Variants in LRMDA observed in about 807,000 individuals in gnomAD.
LRMDA encodes leucine-rich melanocyte differentiation-associated protein.
A neutral mutation model predicts 29.8 loss-of-function variants in LRMDA; 18 were observed. The ratio of observed to expected loss-of-function variants is 0.60; its 90% CI spans 0.42 to 0.90. The LOEUF is 0.90. LRMDA is among the 40% of genes least tolerant of loss of function. The probability of loss-of-function intolerance (pLI) is 0.00; values close to 1 mark genes in which losing one functional copy is unlikely to be tolerated. For missense variants in LRMDA, 273 were observed against 273.9 expected (o/e 1.00, Z 0.02); for synonymous variants, 125 against 109.4 (o/e 1.14, Z -0.89).
intron 5 of LRMDA, among the ~76,000 whole-genome samples, chr10:76,261,378 C>A (rs372431150): frequency 6.6e-6 from 1 of 151,908 alleles, no homozygotes; most frequent in Non-Finnish European, 1.5e-5. Flanking sequence ...GGCTGGCTTG[C>A]GTTTCAATCT....
At position 76,422,543 on chromosome 10, in the gene LRMDA, C is replaced by A. The variant is rs1842081605; in HGVS notation, c.601+98058C>A. 2.6e-5 allele frequency among the ~76,000 whole-genome samples: 4 copies of A among 152,156 alleles called. No individual in the cohort carries two copies. In the South Asian group the frequency reaches 8.3e-4, roughly 31 times the overall value. On this transcript the variant is annotated intron_variant, in intron 6 of 6. Coordinates refer to ENST00000611255, the MANE Select transcript of LRMDA (RefSeq NM_001305581.2). ...CCATGCTCTCCTCAGTCTGTCTAAT[C>A]ATAAGACATAAAAAGCTAAGCCTCT...
In LRMDA at chr10:75,600,113, G is replaced by T. The variant is rs559456784; in HGVS notation, c.131+161619G>T. Among the ~76,000 whole-genome samples, 52 of 152,334 alleles carry T rather than the reference G, an allele frequency of 3.4e-4. 1 individual carries two copies. The highest frequency in any genetic ancestry group is 5.4e-4 in the Non-Finnish European group (37 of 68,028). On this transcript the variant is annotated intron_variant, in intron 2 of 6. Coordinates refer to ENST00000611255, the MANE Select transcript of LRMDA (RefSeq NM_001305581.2). ...AGTAAGTCAGGCACTAGGTCTGCCA[G>T]TGTCTTTTCTTAAGATGCTGTCTCC...
chr10:75,818,768 C>T (rs537169299), intron 2 of LRMDA, among the ~76,000 whole-genome samples: 1 of 152,336 alleles, frequency 6.6e-6, no homozygotes, highest in East Asian at 1.9e-4. Flanking sequence ...CCTCCCCACC[C>T]CTGGGAGGGA....
chr10:76,475,731 C>G (rs960948181), intron 6 of LRMDA, among the ~76,000 whole-genome samples: 1 of 152,074 alleles, frequency 6.6e-6, no homozygotes, highest in Admixed American at 6.6e-5. Context: ...AACTAGAACT[C>G]AGGATTAAGA....
chr10:76,385,750 A>G (rs1040176893), intron 6 of LRMDA, among the ~76,000 whole-genome samples: 2 of 152,186 alleles, frequency 1.3e-5, no homozygotes, highest in African/African-American at 4.8e-5. Flanking sequence ...TTGACTCTCT[A>G]TAGCACTCAG....
intron 5 of LRMDA, among the ~76,000 whole-genome samples, chr10:76,099,372 G>A (rs1281224967): frequency 1.3e-5 from 2 of 148,876 alleles, no homozygotes; most frequent in Non-Finnish European, 3.0e-5. Flanking sequence ...TTTTGCAATG[G>A]CAGTTTCATT....
At chr10:75,536,407 G>C (rs1479642945) in intron 2 of LRMDA, among the ~76,000 whole-genome samples, 1 of 152,086 alleles carries the variant, frequency 6.6e-6, no homozygotes, top group South Asian at 2.1e-4. Flanking sequence ...TCTACCTCTT[G>C]AAAATCCTAA....
At chr10:75,872,961 A>G (rs1413557277) in intron 2 of LRMDA, among the ~76,000 whole-genome samples, 1 of 152,186 alleles carries the variant, frequency 6.6e-6, no homozygotes, top group Non-Finnish European at 1.5e-5. Context: ...ACCTTGCTCA[A>G]TGCCCTGCAA....
intron 2 of LRMDA, among the ~76,000 whole-genome samples, chr10:75,485,728 C>G (rs1169630027): frequency 6.6e-6 from 1 of 152,148 alleles, no homozygotes; most frequent in Non-Finnish European, 1.5e-5. Flanking sequence ...CAGGCATGTG[C>G]CACCATGCCT....
chr10:75,443,287 G>C (rs1844351551), intron 2 of LRMDA, among the ~76,000 whole-genome samples: 1 of 152,094 alleles, frequency 6.6e-6, no homozygotes, highest in Admixed American at 6.6e-5. Flanking sequence ...TGATCTTAGA[G>C]GAAAAGTTTT....
chr10:76,069,602 T>C (rs1848842610), intron 5 of LRMDA, among the ~76,000 whole-genome samples: 1 of 133,500 alleles, frequency 7.5e-6, no homozygotes, highest in Non-Finnish European at 1.6e-5. Flanking sequence ...CAAAGCTGTC[T>C]TTTTTTTTTT....
chr10:76,227,704 T>G (rs1327593129), intron 5 of LRMDA, among the ~76,000 whole-genome samples: 1 of 152,344 alleles, frequency 6.6e-6, no homozygotes, highest in African/African-American at 2.4e-5. Flanking sequence ...GCATATCCTA[T>G]AGTCTCTCAT....
chr10:76,140,437 C>T (rs924230979), intron 5 of LRMDA, among the ~76,000 whole-genome samples: 4 of 152,128 alleles, frequency 2.6e-5, no homozygotes, highest in African/African-American at 9.7e-5. Flanking sequence ...ACCCAACATC[C>T]TTCTTTCTCT....
intron 2 of LRMDA, among the ~76,000 whole-genome samples, chr10:75,761,289 T>C (rs1843090703): frequency 6.6e-6 from 1 of 152,244 alleles, no homozygotes. Context: ...AACTCATGTC[T>C]ATCAACAGAT....
chr10:75,617,927 A>G (rs1173822207), intron 2 of LRMDA, among the ~76,000 whole-genome samples: 2 of 152,202 alleles, frequency 1.3e-5, no homozygotes, highest in African/African-American at 4.8e-5. Flanking sequence ...CAACCTCGCT[A>G]GGCCTTTGTC....
At chr10:76,050,428 G>GT in intron 4 of LRMDA, among the ~76,000 whole-genome samples, 1 of 152,350 alleles carries the variant, frequency 6.6e-6, no homozygotes, top group African/African-American at 2.4e-5. Flanking sequence ...AAGTTGTTGA[G>GT]TAGCACCCTG....
intron 2 of LRMDA, among the ~76,000 whole-genome samples, chr10:75,990,163 G>T (rs1379574981): frequency 6.6e-6 from 1 of 152,156 alleles, no homozygotes; most frequent in East Asian, 1.9e-4. Flanking sequence ...TCGGGGAGAG[G>T]TATCTGTTAT....
chr10:75,481,674 C>G (rs1484583708), intron 2 of LRMDA, among the ~76,000 whole-genome samples: 1 of 152,202 alleles, frequency 6.6e-6, no homozygotes. Context: ...ATGCGATTTT[C>G]TTGCTCGGCA....
intron 2 of LRMDA, among the ~76,000 whole-genome samples, chr10:76,010,395 C>T (rs901159017): frequency 2.0e-5 from 3 of 151,718 alleles, no homozygotes; most frequent in Admixed American, 1.3e-4. Flanking sequence ...TCACTGCAAC[C>T]TCCGCCTCCC....
Sources: gnomAD v4.1 joint callset for allele counts (sites outside exome capture counted in the v4.1 genomes callset) on GRCh38, gnomAD v4.1.1 for gene constraint, MANE v1.5 for transcripts, NCBI Gene and HGNC (gene_info 2026-07-23, HGNC 2026-07-21) for gene names.